The following STAT3 variants were observed in gnomAD, a reference collection of about 807,000 sequenced individuals.
The protein encoded by STAT3 is signal transducer and activator of transcription 3.
In STAT3, 7 loss-of-function variants were observed where a neutral mutation model predicts 114.3. That is an observed-to-expected ratio of 0.06 (90% confidence interval 0.03 to 0.11). STAT3 has a LOEUF of 0.11. Among genes scored for constraint, STAT3 ranks in the 10% least tolerant of loss-of-function variants. The pLI, the probability that STAT3 is intolerant of heterozygous loss-of-function variation, is 1.00. For synonymous variants in STAT3, 331 were observed against 354.5 expected, an observed-to-expected ratio of 0.93 and a Z score of 0.74; for missense variants, 364 against 960.9, an observed-to-expected ratio of 0.38 and a Z score of 8.21.
At chr17:42,361,045 T>A (rs567222922) in intron 1 of STAT3, among the ~76,000 whole-genome samples, 1 of 152,210 alleles carries the variant, frequency 6.6e-6, no homozygotes, top group East Asian at 1.9e-4. Context: ...CCTCACAACA[T>A]CTTCTCCCAA....
intron 1 of STAT3, among the ~76,000 whole-genome samples, chr17:42,353,297 G>A (rs900618424): frequency 6.8e-6 from 1 of 146,752 alleles, no homozygotes; most frequent in East Asian, 2.0e-4. Flanking sequence ...GCAGTGGGCC[G>A]AGATCGTGCC....
In STAT3 at chr17:42,370,040, C is replaced by T. The variant is rs1030067740; in HGVS notation, c.-24+18239G>A. Among the ~76,000 whole-genome samples, 17 of 152,086 alleles carry T rather than the reference C, an allele frequency of 1.1e-4. 1 individual carries two copies. Among genetic ancestry groups the T allele is most frequent in the African/African-American group, 4.1e-4 (17 of 41,480 alleles). On this transcript the variant is annotated intron_variant, in intron 1 of 23. Transcript: ENST00000264657. ...AGACTAGAGTGCGGTGGCGAGATCT[C>T]GGTTCACTGTAACCTCCACCTCCTG...
At chr17:42,326,082 C>T (rs752038157) in intron 15 of STAT3, 34 bp downstream of exon 15, 10 of 1,595,798 alleles carry the variant, frequency 6.3e-6, no homozygotes, top group East Asian at 2.2e-5. Context: ...CACCCCTGTA[C>T]GTAGCCTCTC....
chr17:42,356,541 T>TATA (rs67756754), intron 1 of STAT3, among the ~76,000 whole-genome samples: 72 of 77,984 alleles, frequency 9.2e-4, no homozygotes, highest in African/African-American at 3.0e-3. Context: ...ATATATATAT[T>TATA]TTTTTTTTTT....
At chr17:42,328,597 G>A (rs923355394) in intron 14 of STAT3, among the ~76,000 whole-genome samples, 3 of 152,078 alleles carry the variant, frequency 2.0e-5, no homozygotes, top group South Asian at 2.1e-4. Context: ...TAGTAGAGAC[G>A]GGCTTTCACC....
chr17:42,322,320 C>T lies in STAT3; in HGVS notation c.2063G>A (p.Arg688Gln), dbSNP rs2081517069. The change falls in exon 21 of 24, where the codon CGG becomes CAG. Residue 688 changes from arginine to glutamine, a missense_variant. Transcript: ENST00000264657. ...PKEEAFGKYC[R>Q]PESQEHPEAD... Reference sequence around the variant, plus strand: ...TTCAGGATGCTCCTGGCTCTCTGGCCGACAATACTTTCCGAATGCCTCCTC... The same window carrying T: ...TTCAGGATGCTCCTGGCTCTCTGGCTGACAATACTTTCCGAATGCCTCCTC... 4 of 1,614,056 alleles carry T rather than the reference C, an allele frequency of 2.5e-6. No homozygotes were observed. The highest frequency in any genetic ancestry group is 1.3e-5 in the African/African-American group (1 of 74,914).
intron 17 of STAT3, among the ~76,000 whole-genome samples, chr17:42,323,961 G>C (rs2081592231): frequency 1.3e-5 from 2 of 152,196 alleles, no homozygotes; most frequent in African/African-American, 4.8e-5. Context: ...GGTGGCAACA[G>C]CTTTATTAGA....
intron 6 of STAT3, among the ~76,000 whole-genome samples, chr17:42,338,141 G>T (rs2082304033): frequency 3.7e-4 from 1 of 2,710 alleles, no homozygotes. Context: ...GAATACTCCT[G>T]GACCTGAGGG....
At chr17:42,317,711 G>GT (rs1219323110) in intron 21 of STAT3, 6 of 196,200 alleles carry the variant, frequency 3.1e-5, no homozygotes, top group African/African-American at 1.4e-4. Flanking sequence ...AATGCTTGTG[G>GT]TTCCAAAGCC....
At chr17:42,329,062 G>A (rs1359052721) in intron 14 of STAT3, among the ~76,000 whole-genome samples, 1 of 152,228 alleles carries the variant, frequency 6.6e-6, no homozygotes, top group East Asian at 2.0e-4. Flanking sequence ...TAAAAATGGA[G>A]CCAAGCAGGG....
chr17:42,329,676 T>C lies in STAT3; in HGVS notation c.1140-29A>G, dbSNP rs1043238325. The stretch of plus-strand genomic sequence containing the variant: ...AATCACAGGGGAACAATCAACTATG[T>C]AGGTGACCAAGTAGCCGGAGGATGA... On this transcript the variant is annotated intron_variant, in intron 12 of 23. Coordinates refer to ENST00000264657, the MANE Select transcript of STAT3 (RefSeq NM_139276.3). 8 of 1,613,946 alleles carry C rather than the reference T, an allele frequency of 5.0e-6. No individual in the cohort carries two copies. In the African/African-American group the frequency reaches 5.3e-5, roughly 11 times the overall value.
At chr17:42,321,555 G>A (rs935276745) in intron 21 of STAT3, among the ~76,000 whole-genome samples, 2 of 152,032 alleles carry the variant, frequency 1.3e-5, no homozygotes, top group African/African-American at 4.8e-5. Flanking sequence ...CCCTTCAAAC[G>A]TGATGCTCCC....
chr17:42,366,321 TC>T (rs1445651740), intron 1 of STAT3, among the ~76,000 whole-genome samples: 1 of 151,926 alleles, frequency 6.6e-6, no homozygotes, highest in African/African-American at 2.4e-5. Context: ...TCTCTCTTCC[TC>T]CCCCTCCTCC....
chr17:42,378,746 G>A (rs571739139), intron 1 of STAT3, among the ~76,000 whole-genome samples: 2 of 152,304 alleles, frequency 1.3e-5, no homozygotes, highest in Admixed American at 1.3e-4. Flanking sequence ...ATTGCACTTT[G>A]TTTGGTTTAC....
intron 1 of STAT3, among the ~76,000 whole-genome samples, chr17:42,372,886 A>T (rs978733051): frequency 6.6e-6 from 1 of 152,084 alleles, no homozygotes; most frequent in Non-Finnish European, 1.5e-5. Flanking sequence ...GAAATAAAAT[A>T]AACTCAGGAA....
chr17:42,374,050 C>G (rs1352912733), intron 1 of STAT3: 2 of 152,084 alleles, frequency 1.3e-5, no homozygotes, highest in African/African-American at 4.8e-5. Flanking sequence ...ACTTAGAAAA[C>G]TAAGTGACCT....
At chr17:42,381,117 TGG>T (rs1333254207) in intron 1 of STAT3, among the ~76,000 whole-genome samples, 1 of 152,184 alleles carries the variant, frequency 6.6e-6, no homozygotes, top group Non-Finnish European at 1.5e-5. Context: ...AAGGCAGAAC[TGG>T]GATTAAAGCC....
In STAT3 at chr17:42,322,394, G is replaced by T. The variant is rs2081519120; in HGVS notation, c.1989C>A (p.Thr663=). Residue 663 remains threonine (T), a synonymous_variant, in exon 21 of 24, where the codon ACC becomes ACA. Transcript: ENST00000264657. ...IIMGYKIMDA[T]NILVSPLVYL... ...AGACCAGTGGAGACACCAGGATATT[G>T]GTAGCATCCATGATCTTATAGCCCA... The T allele has an allele frequency of 6.2e-7, 1 of 1,614,180 alleles. No individual in the cohort carries two copies. The highest frequency in any genetic ancestry group is 8.5e-7 in the Non-Finnish European group (1 of 1,180,022).
chr17:42,379,032 A>G (rs181225948), intron 1 of STAT3, among the ~76,000 whole-genome samples: 1 of 152,276 alleles, frequency 6.6e-6, no homozygotes, highest in East Asian at 1.9e-4. Context: ...AATCAAACAA[A>G]GCGGGAAACA....
Sources: allele counts gnomAD v4.1 joint callset (sites outside exome capture counted in the v4.1 genomes callset), GRCh38; gene constraint gnomAD v4.1.1; transcripts MANE v1.5; gene names NCBI Gene and HGNC (gene_info 2026-07-23, HGNC 2026-07-21).